The following RELN variants were observed in gnomAD, a reference collection of about 807,000 sequenced individuals.
The protein encoded by RELN is reelin.
In RELN, 108 loss-of-function variants were observed where a neutral mutation model predicts 427.6. The ratio of observed to expected loss-of-function variants is 0.25; its 90% CI spans 0.22 to 0.30. RELN has a LOEUF of 0.30. RELN is among the 10% of genes least tolerant of loss of function. The probability of loss-of-function intolerance (pLI) is 1.00; values close to 1 mark genes in which losing one functional copy is unlikely to be tolerated. For missense variants in RELN, 3,715 were observed against 4,302.8 expected (o/e 0.86, Z 3.82); for synonymous variants, 1,524 against 1,513.4 (o/e 1.01, Z -0.16).
At chr7:103,632,838 G>C (rs939608547) in intron 19 of RELN, among the ~76,000 whole-genome samples, 3 of 151,930 alleles carry the variant, frequency 2.0e-5, no homozygotes, top group Admixed American at 6.6e-5. Flanking sequence ...ATACACTATG[G>C]AATTGGATGA....
chr7:103,928,633 A>G (rs1795795908), intron 1 of RELN, among the ~76,000 whole-genome samples: 2 of 152,242 alleles, frequency 1.3e-5, no homozygotes, highest in Admixed American at 1.3e-4. Flanking sequence ...CCACTACAGT[A>G]AGAAGCCACT....
chr7:103,877,112 T>C (rs1021537665), intron 2 of RELN, among the ~76,000 whole-genome samples: 7 of 152,176 alleles, frequency 4.6e-5, no homozygotes, highest in Non-Finnish European at 8.8e-5. Flanking sequence ...ATTCCTGTTC[T>C]GTCTCTCCCA....
chr7:103,672,336 G>T (rs2115631439), intron 11 of RELN, among the ~76,000 whole-genome samples: 1 of 152,220 alleles, frequency 6.6e-6, no homozygotes, highest in South Asian at 2.1e-4. Context: ...CTCAAGTATG[G>T]CAGTGCCAAG....
At chr7:103,912,844 A>C (rs560524880) in intron 2 of RELN, among the ~76,000 whole-genome samples, 7 of 152,280 alleles carry the variant, frequency 4.6e-5, no homozygotes, top group Admixed American at 4.6e-4. Flanking sequence ...ATAATCCTTC[A>C]TTGAGCGACC....
At chr7:103,913,393 C>A (rs1244692791) in intron 2 of RELN, among the ~76,000 whole-genome samples, 1 of 152,124 alleles carries the variant, frequency 6.6e-6, no homozygotes, top group Non-Finnish European at 1.5e-5. Context: ...GCACATTAAT[C>A]CTGTGATATG....
intron 28 of RELN, among the ~76,000 whole-genome samples, chr7:103,582,162 G>A (rs1472435463): frequency 6.6e-6 from 1 of 152,196 alleles, no homozygotes; most frequent in Non-Finnish European, 1.5e-5. Context: ...AGATGCCCTG[G>A]ATCCAGAGAT....
intron 1 of RELN, among the ~76,000 whole-genome samples, chr7:103,966,240 G>A (rs1048571799): frequency 1.2e-5 from 1 of 82,330 alleles, no homozygotes; most frequent in African/African-American, 5.1e-5. Context: ...GTTCTGGCTC[G>A]CAGGTGGCCA....
intron 11 of RELN, among the ~76,000 whole-genome samples, chr7:103,677,872 T>A (rs1030527684): frequency 6.6e-6 from 1 of 151,012 alleles, no homozygotes; most frequent in Admixed American, 6.6e-5. Flanking sequence ...ATCCATGACC[T>A]GGAGCAATAA....
At chr7:103,803,489 T>C (rs1055116865) in intron 3 of RELN, among the ~76,000 whole-genome samples, 1 of 152,100 alleles carries the variant, frequency 6.6e-6, no homozygotes, top group African/African-American at 2.4e-5. Flanking sequence ...GCTGGAGTGA[T>C]GATAATTGCA....
At chr7:103,555,773 C>T (rs1463585334) in intron 38 of RELN, among the ~76,000 whole-genome samples, 1 of 152,194 alleles carries the variant, frequency 6.6e-6, no homozygotes, top group Non-Finnish European at 1.5e-5. Flanking sequence ...GCGCCTGGCA[C>T]ATTCCTTTTT....
At chr7:103,758,601 A>C (rs1791221119) in intron 4 of RELN, among the ~76,000 whole-genome samples, 1 of 151,622 alleles carries the variant, frequency 6.6e-6, no homozygotes, top group South Asian at 2.1e-4. Context: ...GATAAATGAG[A>C]ATCTACTTAA....
intron 63 of RELN, chr7:103,478,622 T>C: frequency 2.1e-6 from 1 of 482,060 alleles, no homozygotes; most frequent in Non-Finnish European, 3.7e-6. Context: ...TATTTGCTCA[T>C]AACCATATGT....
At chr7:103,595,937 C>T (rs1831526898) in intron 25 of RELN, among the ~76,000 whole-genome samples, 1 of 152,148 alleles carries the variant, frequency 6.6e-6, no homozygotes, top group Non-Finnish European at 1.5e-5. Context: ...TATTTTATTA[C>T]ATATATTCCC....
chr7:103,816,530 A>AACAC (rs57873981), intron 3 of RELN, among the ~76,000 whole-genome samples: 31,488 of 143,560 alleles, frequency 0.22, 3,536 homozygotes, highest in East Asian at 0.34. Flanking sequence ...TTTCTCTAGA[A>AACAC]ACACACACAC....
At chr7:103,527,324 A>AG (rs1313439234) in intron 46 of RELN, among the ~76,000 whole-genome samples, 4 of 152,238 alleles carry the variant, frequency 2.6e-5, no homozygotes, top group African/African-American at 9.6e-5. Context: ...AAAATATTTA[A>AG]GCCTAGAAAA....
chr7:103,876,137 A>G (rs1794472698), intron 2 of RELN, among the ~76,000 whole-genome samples: 1 of 152,130 alleles, frequency 6.6e-6, no homozygotes, highest in Non-Finnish European at 1.5e-5. Flanking sequence ...TTCTCTAACA[A>G]TTGGTCATTA....
chr7:103,985,696 A>G (rs1797082979), intron 1 of RELN, among the ~76,000 whole-genome samples: 1 of 152,212 alleles, frequency 6.6e-6, no homozygotes, highest in African/African-American at 2.4e-5. Flanking sequence ...GACAAGTCAC[A>G]TTCACCATAA....
chr7:103,661,565 A>G (rs1401198841), intron 11 of RELN, 38 bp from the exon 12 acceptor site: 3 of 1,578,846 alleles, frequency 1.9e-6, no homozygotes, highest in Non-Finnish European at 1.7e-6. Flanking sequence ...GAGTTAGAAT[A>G]TTAAGCCAAA....
In RELN at chr7:103,536,687, G is replaced by A. The variant is rs189886621; in HGVS notation, c.7181-1203C>T. On this transcript the variant is annotated intron_variant, in intron 45 of 64. Transcript: ENST00000428762. ...TTCTTGAAATGTTCTTTTATTTTGA[G>A]GGACATCATTCTGAGTCTCCTGTCT... Among the ~76,000 whole-genome samples the A allele has an allele frequency of 9.2e-5, 14 of 152,282 alleles. No individual in the cohort carries two copies. The East Asian group carries it at 2.7e-3, about 29-fold the overall frequency.
Sources: gnomAD v4.1 joint callset for allele counts (sites outside exome capture counted in the v4.1 genomes callset) on GRCh38, gnomAD v4.1.1 for gene constraint, MANE v1.5 for transcripts, NCBI Gene and HGNC (gene_info 2026-07-23, HGNC 2026-07-21) for gene names.